The following CDH7 variants were observed in gnomAD, a reference collection of about 807,000 sequenced individuals.
The protein encoded by CDH7 is cadherin 7, also known as cadherin-7.
In CDH7, 25 loss-of-function variants were observed where a neutral mutation model predicts 71.8. That is an observed-to-expected ratio of 0.35 (90% CI 0.25 to 0.49). The LOEUF is 0.49. Ranked by LOEUF, CDH7 falls within the 20% of genes least tolerant of loss-of-function variation. The pLI is 0.99. For missense variants in CDH7, 862 were observed against 974.6 expected, an observed-to-expected ratio of 0.88 and a Z score of 1.54; for synonymous variants, 381 against 363.8, an observed-to-expected ratio of 1.05 and a Z score of -0.54.
chr18:65,887,329 A>G lies in CDH7; in HGVS notation c.*6435A>G, dbSNP rs554794537. On this transcript the variant is annotated 3_prime_UTR_variant, in exon 12 of 12. Transcript: ENST00000397968. ...TGTGCACAATGTGCAGGTTAGTTACATATGTATACATGTGCCATGCTGGTG... is the reference window on the plus strand; with the variant it reads ...TGTGCACAATGTGCAGGTTAGTTACGTATGTATACATGTGCCATGCTGGTG... 7.2e-5 allele frequency: 11 copies of G among 152,052 alleles called. No homozygotes were observed. In the East Asian group the frequency reaches 2.1e-3, roughly 29 times the overall value. The allele number at this position is 152,052 out of a possible 1,614,324, so 9.4% of individuals were successfully genotyped here.
intron 2 of CDH7, among the ~76,000 whole-genome samples, chr18:65,799,364 G>A (rs1911031266): frequency 6.6e-6 from 1 of 152,040 alleles, no homozygotes; most frequent in Non-Finnish European, 1.5e-5. Flanking sequence ...CCCCCAGTGA[G>A]TCAACAGGAG....
At chr18:65,803,589 C>T (rs1000681887) in intron 2 of CDH7, 11 of 152,054 alleles carry the variant, frequency 7.2e-5, no homozygotes, top group African/African-American at 2.7e-4. Flanking sequence ...CATTTGTTTT[C>T]ATCTGTAACA....
At chr18:65,757,362 C>T (rs1477137709) in intron 1 of CDH7, among the ~76,000 whole-genome samples, 1 of 152,062 alleles carries the variant, frequency 6.6e-6, no homozygotes, top group Admixed American at 6.5e-5. Context: ...GTAAATACTG[C>T]TTAAGGGATT....
intron 2 of CDH7, among the ~76,000 whole-genome samples, chr18:65,768,229 T>A (rs1029456073): frequency 6.6e-6 from 1 of 152,202 alleles, no homozygotes; most frequent in Non-Finnish European, 1.5e-5. Flanking sequence ...GTTGTTTTTT[T>A]TTTTTATTTT....
At chr18:65,774,502 C>G (rs1006435266) in intron 2 of CDH7, among the ~76,000 whole-genome samples, 2 of 151,958 alleles carry the variant, frequency 1.3e-5, no homozygotes, top group Non-Finnish European at 2.9e-5. Context: ...TTCAAATGCT[C>G]TCTCCTCCAA....
At chr18:65,824,251 C>G (rs1221950429) in intron 5 of CDH7, among the ~76,000 whole-genome samples, 4 of 151,484 alleles carry the variant, frequency 2.6e-5, no homozygotes, top group African/African-American at 4.8e-5. Flanking sequence ...CAAGGCCAAT[C>G]TATTCTATTT....
Position 65,778,271 on chromosome 18 carries a change from C to CAA in CDH7, c.210+15248_210+15249dup, listed in dbSNP as rs148841669. Among the ~76,000 whole-genome samples, 241 of 84,280 alleles carry CAA rather than the reference C, an allele frequency of 2.9e-3. 14 individuals are homozygous for CAA. Among genetic ancestry groups the CAA allele is most frequent in the East Asian group, 0.011 (28 of 2,448 alleles). The allele number at this position is 84,280 out of a possible 152,430, so 55.3% of individuals were successfully genotyped here. On this transcript the variant is annotated intron_variant, in intron 2 of 11. Transcript: ENST00000397968. ...TGGGTGACAGCATGAGACTCTGTCT[C>CAA]AAAAAAAAAAAAAAAAAAAAAAAAA...
chr18:65,879,857 A>G (rs564787594), intron 11 of CDH7, among the ~76,000 whole-genome samples: 2 of 152,218 alleles, frequency 1.3e-5, no homozygotes, highest in Non-Finnish European at 2.9e-5. Flanking sequence ...AATTTATTAT[A>G]GAGAAGCTTT....
intron 2 of CDH7, among the ~76,000 whole-genome samples, chr18:65,771,391 G>A (rs1916537716): frequency 6.6e-6 from 1 of 152,072 alleles, no homozygotes; most frequent in South Asian, 2.1e-4. Context: ...TGTAATCCCA[G>A]CATTTTGAGA....
intron 4 of CDH7, among the ~76,000 whole-genome samples, chr18:65,815,265 T>C (rs1222658242): frequency 6.6e-6 from 1 of 152,150 alleles, no homozygotes; most frequent in East Asian, 1.9e-4. Context: ...TTTTAATGTA[T>C]TCAGTTTTTC....
intron 7 of CDH7, among the ~76,000 whole-genome samples, chr18:65,856,626 G>A (rs555767162): frequency 3.3e-5 from 5 of 152,034 alleles, no homozygotes; most frequent in Non-Finnish European, 4.4e-5. Flanking sequence ...AACATGAAAG[G>A]CCTTTATGTT....
rs1157228056 is a variant in CDH7, at chr18:65,882,725, T to TA, written c.*1837dup. On this transcript the variant is annotated 3_prime_UTR_variant, in exon 12 of 12. Transcript: ENST00000397968. The stretch of plus-strand genomic sequence containing the variant: ...GCTGTATTAATATGCATATATATTT[T>TA]AAAAAATTATAACAGTGAAAGATAC... The TA allele has an allele frequency of 1.3e-5, 2 of 152,140 alleles. No homozygotes were observed. Among genetic ancestry groups the TA allele is most frequent in the Non-Finnish European group, 2.9e-5 (2 of 67,982 alleles). The allele number at this position is 152,140 out of a possible 1,614,324, so 9.4% of individuals were successfully genotyped here.
At chr18:65,808,071 C>T (rs1200568249) in intron 2 of CDH7, among the ~76,000 whole-genome samples, 1 of 152,188 alleles carries the variant, frequency 6.6e-6, no homozygotes, top group Non-Finnish European at 1.5e-5. Context: ...AGTTCTTAGC[C>T]TTTCTTTACC....
At chr18:65,862,642 AT>A in intron 10 of CDH7, 23 bp from the exon 11 acceptor site, 1 of 1,609,552 alleles carries the variant, frequency 6.2e-7, no homozygotes, top group Non-Finnish European at 8.5e-7. Context: ...ATCTGGTGTT[AT>A]ACATTTGCTT....
chr18:65,815,856 C>T lies in CDH7; in HGVS notation c.625+1252C>T, dbSNP rs150964642. On this transcript the variant is annotated intron_variant, in intron 4 of 11. Coordinates refer to ENST00000397968, the MANE Select transcript of CDH7 (RefSeq NM_004361.5). ...CTAAATTCAAACACCCACCTCTTCC[C>T]TTCTATGCCTACTCTTGGCAACCTA... 7.2e-5 allele frequency among the ~76,000 whole-genome samples: 11 copies of T among 152,256 alleles called. No individual in the cohort carries two copies. The East Asian group carries it at 2.1e-3, about 29-fold the overall frequency.
At chr18:65,795,850 C>A (rs1371862799) in intron 2 of CDH7, among the ~76,000 whole-genome samples, 1 of 151,964 alleles carries the variant, frequency 6.6e-6, no homozygotes, top group Non-Finnish European at 1.5e-5. Flanking sequence ...ATCATGGAGG[C>A]AGTTCCCCCA....
At chr18:65,809,302 G>C (rs2143904742) in intron 2 of CDH7, among the ~76,000 whole-genome samples, 1 of 152,266 alleles carries the variant, frequency 6.6e-6, no homozygotes, top group South Asian at 2.1e-4. Context: ...ATTGGAACCA[G>C]ATTTACAAAT....
Position 65,826,612 on chromosome 18 carries a change from A to G in CDH7, c.981+1781A>G, listed in dbSNP as rs1329180841. Among the ~76,000 whole-genome samples the G allele has an allele frequency of 8.4e-4, 8 of 9,570 alleles. No homozygotes were observed. In the Non-Finnish European group the frequency reaches 0.082, roughly 98 times the overall value. 6.3% of individuals were successfully genotyped at this position (9,570 alleles called of 152,430 possible). Reference sequence around the variant, plus strand: ...TACAGAATAACAGATTATAAGAAAAATGTTAAAAATGTTAATAGTATCATT... The same window carrying G: ...TACAGAATAACAGATTATAAGAAAAGTGTTAAAAATGTTAATAGTATCATT... On this transcript the variant is annotated intron_variant, in intron 6 of 11. Transcript: ENST00000397968.
chr18:65,802,002 C>A (rs1319078556), intron 2 of CDH7, among the ~76,000 whole-genome samples: 1 of 152,192 alleles, frequency 6.6e-6, no homozygotes, highest in African/African-American at 2.4e-5. Context: ...AACATTTGTG[C>A]AAGTCTTAAG....
Sources: gnomAD v4.1 joint callset for allele counts (sites outside exome capture counted in the v4.1 genomes callset) on GRCh38, gnomAD v4.1.1 for gene constraint, MANE v1.5 for transcripts, NCBI Gene and HGNC (gene_info 2026-07-23, HGNC 2026-07-21) for gene names.